RNF220: variants seen among roughly 807,000 people sequenced by gnomAD.
The protein encoded by RNF220 is ring finger protein 220.
RNF220 carries 7 observed loss-of-function variants against 67.1 expected under a neutral mutation model. That is an observed-to-expected ratio of 0.10 (90% CI 0.06 to 0.20). RNF220 has a LOEUF of 0.20. Among genes scored for constraint, RNF220 ranks in the 10% least tolerant of loss-of-function variants. The probability of loss-of-function intolerance (pLI) is 1.00; values close to 1 mark genes in which losing one functional copy is unlikely to be tolerated. For missense variants in RNF220, 565 were observed against 740.3 expected (o/e 0.76, Z 2.75); for synonymous variants, 270 against 283.2 (o/e 0.95, Z 0.47).
At chr1:44,580,772 G>A (rs769015037) in intron 2 of RNF220, among the ~76,000 whole-genome samples, 1 of 152,254 alleles carries the variant, frequency 6.6e-6, no homozygotes, top group Non-Finnish European at 1.5e-5. Flanking sequence ...AGCTCTGGAA[G>A]CTGCTGAGTG....
chr1:44,587,145 CT>C (rs60300155), intron 2 of RNF220, among the ~76,000 whole-genome samples: 331 of 124,114 alleles, frequency 2.7e-3, no homozygotes, highest in African/African-American at 4.6e-3. Flanking sequence ...CTTCTTCTTC[CT>C]TTTTTTTTTT....
At chr1:44,496,383 G>A (rs1657348531) in intron 2 of RNF220, among the ~76,000 whole-genome samples, 1 of 152,190 alleles carries the variant, frequency 6.6e-6, no homozygotes, top group Admixed American at 6.5e-5. Context: ...AGATATCTCT[G>A]GAAGAGGGAT....
chr1:44,644,578 G>T, intron 8 of RNF220, 120 bp from the exon 9 acceptor site: 1 of 698,742 alleles, frequency 1.4e-6, no homozygotes, highest in East Asian at 2.6e-5. Context: ...TACATCCCAG[G>T]CCCAGGTTTC....
chr1:44,583,997 TACATGCATTCTCTC>T (rs1156958395), intron 2 of RNF220, among the ~76,000 whole-genome samples: 1 of 152,264 alleles, frequency 6.6e-6, no homozygotes, highest in African/African-American at 2.4e-5. Flanking sequence ...CTAGTTCCTT[TACATGCATTCTCTC>T]ACATCATTCT....
chr1:44,406,342 G>A (rs1019947577), intron 1 of RNF220, among the ~76,000 whole-genome samples: 1 of 152,154 alleles, frequency 6.6e-6, no homozygotes, highest in Non-Finnish European at 1.5e-5. Flanking sequence ...CACTCCTCTG[G>A]GCTGGACCGG....
intron 8 of RNF220, among the ~76,000 whole-genome samples, chr1:44,637,353 GGA>G (rs1644358918): frequency 1.3e-5 from 2 of 152,362 alleles, no homozygotes; most frequent in South Asian, 4.1e-4. Context: ...AGCCGGAGCT[GGA>G]GAGTGTTAGT....
intron 2 of RNF220, among the ~76,000 whole-genome samples, chr1:44,467,088 A>G (rs968262727): frequency 7.2e-5 from 11 of 152,198 alleles, no homozygotes; most frequent in Non-Finnish European, 1.3e-4. Flanking sequence ...TCTTAGCTAG[A>G]TCTTCTGGTT....
chr1:44,459,225 T>G (rs1653511834), intron 2 of RNF220, among the ~76,000 whole-genome samples: 5 of 152,150 alleles, frequency 3.3e-5, no homozygotes, highest in Admixed American at 2.0e-4. Context: ...AAATATGTTG[T>G]GGGGGTTCAC....
At chr1:44,530,884 AC>A (rs1283181559) in intron 2 of RNF220, among the ~76,000 whole-genome samples, 1 of 152,072 alleles carries the variant, frequency 6.6e-6, no homozygotes, top group African/African-American at 2.4e-5. Context: ...AATCATTTGA[AC>A]CCAGGAGGCA....
intron 2 of RNF220, among the ~76,000 whole-genome samples, chr1:44,508,991 C>T (rs1658698345): frequency 1.3e-5 from 2 of 152,240 alleles, no homozygotes; most frequent in South Asian, 4.2e-4. Flanking sequence ...ACTTAGGGGT[C>T]TTTTTCAGTT....
chr1:44,588,437 T>C (rs1485354639), intron 2 of RNF220, among the ~76,000 whole-genome samples: 1 of 152,226 alleles, frequency 6.6e-6, no homozygotes, highest in Non-Finnish European at 1.5e-5. Context: ...ACGCTCAGCC[T>C]GGTGGATGTG....
At chr1:44,448,872 C>T (rs1336811158) in intron 2 of RNF220, among the ~76,000 whole-genome samples, 2 of 152,180 alleles carry the variant, frequency 1.3e-5, no homozygotes, top group African/African-American at 2.4e-5. Context: ...CTGAGCCTGA[C>T]TTTTATGTGG....
Position 44,606,048 on chromosome 1 carries a change from C to T in RNF220, c.626-8117C>T, listed in dbSNP as rs1430021241. 6.6e-6 allele frequency among the ~76,000 whole-genome samples: 1 copy of T among 152,162 alleles called. No individual in the cohort carries two copies. The highest frequency in any genetic ancestry group is 1.5e-5 in the Non-Finnish European group (1 of 68,032). ...TCCTCAACCAGGGATGCCTATTAAT[C>T]CTGACAAATGATGACTTACGAACAT... On this transcript the variant is annotated intron_variant, in intron 2 of 14. Transcript: ENST00000361799. This position sits in a 1 kb window ranked among gnomAD's most constrained non-coding sequence, Gnocchi z 4.2.
intron 2 of RNF220, among the ~76,000 whole-genome samples, chr1:44,576,982 C>A (rs1664852776): frequency 1.3e-5 from 2 of 152,144 alleles, no homozygotes; most frequent in Non-Finnish European, 2.9e-5. Flanking sequence ...CAGGAGCCGA[C>A]AGGAGGGTAA....
At chr1:44,556,810 C>T (rs972749411) in intron 2 of RNF220, among the ~76,000 whole-genome samples, 3 of 152,238 alleles carry the variant, frequency 2.0e-5, no homozygotes, top group Admixed American at 2.0e-4. Context: ...CCACCAGCCT[C>T]GGCCTCCCAA....
Position 44,507,702 on chromosome 1 carries a change from G to A in RNF220, c.625+94980G>A, listed in dbSNP as rs1331843549. The stretch of plus-strand genomic sequence containing the variant: ...GGGGGTACGGAATGAAGCCCCGCCA[G>A]CACAGCAGTTGGTGGTGAGCAGTGA... On this transcript the variant is annotated intron_variant, in intron 2 of 14. Coordinates refer to ENST00000361799, the MANE Select transcript of RNF220 (RefSeq NM_018150.4). 2.0e-5 allele frequency among the ~76,000 whole-genome samples: 3 copies of A among 152,312 alleles called. No homozygotes were observed. In the East Asian group the frequency reaches 5.8e-4, roughly 29 times the overall value.
chr1:44,500,457 C>G (rs1657736180), intron 2 of RNF220, among the ~76,000 whole-genome samples: 1 of 152,190 alleles, frequency 6.6e-6, no homozygotes, highest in South Asian at 2.1e-4. Context: ...CTCTCTTTTT[C>G]TGGGTGGACT....
At position 44,645,659 on chromosome 1, in the gene RNF220, C is replaced by G. The variant is rs575872050; in HGVS notation, c.1445+171C>G. On this transcript the variant is annotated intron_variant, in intron 12 of 14. Transcript: ENST00000361799. The surrounding 1 kb of genome is among the most constrained non-coding windows in gnomAD (Gnocchi z 5.0). The stretch of plus-strand genomic sequence containing the variant: ...AGCCCAGCTGGTGCTAAGCGTGACT[C>G]TGTGAATTGATCACTGGGCCACGGC... Among the ~76,000 whole-genome samples the G allele has an allele frequency of 6.6e-6, 1 of 152,308 alleles. No individual in the cohort carries two copies. The highest frequency in any genetic ancestry group is 1.5e-5 in the Non-Finnish European group (1 of 68,026).
rs2148522885 is a variant in RNF220 at position 44,650,855 on chromosome 1, A to G, written c.*80A>G. ...TGTGACAGTGACCGTCTCCCTTTGT[A>G]CATACTTGCACACAGGTTCCCCATG... On this transcript the variant is annotated 3_prime_UTR_variant, in exon 15 of 15. Coordinates refer to ENST00000361799, the MANE Select transcript of RNF220 (RefSeq NM_018150.4). The surrounding 1 kb of genome is among the most constrained non-coding windows in gnomAD (Gnocchi z 4.3). The G allele has an allele frequency of 1.6e-6, 2 of 1,260,474 alleles. No individual in the cohort carries two copies. Among genetic ancestry groups the G allele is most frequent in the South Asian group, 1.2e-5 (1 of 83,952 alleles). The allele number at this position is 1,260,474 out of a possible 1,614,324, so 78.1% of individuals were successfully genotyped here.
Sources: allele counts gnomAD v4.1 joint callset (sites outside exome capture counted in the v4.1 genomes callset), GRCh38; gene constraint gnomAD v4.1.1; non-coding constraint Gnocchi (gnomAD v3.1); transcripts MANE v1.5; gene names NCBI Gene and HGNC (gene_info 2026-07-23, HGNC 2026-07-21).